SLCO2B1: variants seen among roughly 807,000 people sequenced by gnomAD.
SLCO2B1 encodes the protein OATP-RP2.
SLCO2B1 carries 41 observed loss-of-function variants against 67.3 expected under a neutral mutation model. The observed-to-expected ratio is 0.61, with a 90% CI of 0.47 to 0.79. The LOEUF is 0.79. Ranked by LOEUF, SLCO2B1 falls within the 30% of genes least tolerant of loss-of-function variation. The probability of loss-of-function intolerance (pLI) is 0.00; values close to 1 mark genes in which losing one functional copy is unlikely to be tolerated. For synonymous variants in SLCO2B1, 379 were observed against 381.4 expected (o/e 0.99, Z 0.07); for missense variants, 837 against 920.1 (o/e 0.91, Z 1.17).
chr11:75,195,572 C>A (rs932669730), intron 9 of SLCO2B1, among the ~76,000 whole-genome samples: 2 of 152,066 alleles, frequency 1.3e-5, no homozygotes, highest in African/African-American at 4.8e-5. Flanking sequence ...GTCTCCAGCT[C>A]CTGCTCACCC....
At chr11:75,152,464 G>A (rs1210537772) in intron 1 of SLCO2B1, 1 of 152,494 alleles carries the variant, frequency 6.6e-6, no homozygotes, top group Admixed American at 6.5e-5. Context: ...ACGGCAGGAA[G>A]GGTGGGATGG....
Position 75,203,310 on chromosome 11 carries a change from G to T in SLCO2B1, c.1832G>T (p.Trp611Leu). ...CCCTGAGCACCACCTCCCTCAGCCT[G>T]GATGCCCAGCCCCGTGATCCACGGC... The part of the protein sequence containing the change: ...IQFMFLRILA[W>L]MPSPVIHGSA... The change falls in exon 13 of 14, where the codon TGG becomes TTG. Residue 611 changes from tryptophan to leucine, a missense_variant. Coordinates refer to ENST00000289575, the MANE Select transcript of SLCO2B1 (RefSeq NM_007256.5). 6.2e-7 allele frequency: 1 copy of T among 1,613,492 alleles called. No individual in the cohort carries two copies. The highest frequency in any genetic ancestry group is 8.5e-7 in the Non-Finnish European group (1 of 1,179,962).
At position 75,167,590 on chromosome 11, in the gene SLCO2B1, A is replaced by C. The variant is rs1277355295; in HGVS notation, c.449-1583A>C. 2.0e-5 allele frequency among the ~76,000 whole-genome samples: 3 copies of C among 152,290 alleles called. No homozygotes were observed. In the East Asian group the frequency reaches 5.8e-4, roughly 29 times the overall value. ...TACTGATGAAGTTGTGTTCTGTGCC[A>C]GGCCCTCTGCAGGGCACTGGGGACA... On this transcript the variant is annotated intron_variant, in intron 4 of 13. Transcript: ENST00000289575.
At chr11:75,177,056 C>T (rs1950034593) in intron 7 of SLCO2B1, among the ~76,000 whole-genome samples, 1 of 152,144 alleles carries the variant, frequency 6.6e-6, no homozygotes, top group Non-Finnish European at 1.5e-5. Context: ...GCTTGAGGCC[C>T]TGTTGGGGCA....
At chr11:75,184,785 C>T (rs1296751481) in intron 7 of SLCO2B1, among the ~76,000 whole-genome samples, 1 of 152,156 alleles carries the variant, frequency 6.6e-6, no homozygotes, top group East Asian at 1.9e-4. Context: ...GTCTCTGCCC[C>T]ATCCTCTTTT....
chr11:75,187,298 T>C (rs1475224134), intron 7 of SLCO2B1, among the ~76,000 whole-genome samples: 1 of 152,224 alleles, frequency 6.6e-6, no homozygotes, highest in African/African-American at 2.4e-5. Flanking sequence ...ACACATGATA[T>C]TCTCTTCCCC....
At chr11:75,169,622 G>T (rs760695030) in intron 5 of SLCO2B1, 44 bp from the exon 6 acceptor site, 1 of 1,532,284 alleles carries the variant, frequency 6.5e-7, no homozygotes, top group East Asian at 2.3e-5. Flanking sequence ...GTCTGCAGAG[G>T]GAAGCCAGGG....
chr11:75,199,940 T>G (rs1254931493), intron 10 of SLCO2B1: 3 of 447,462 alleles, frequency 6.7e-6, no homozygotes, highest in Non-Finnish European at 1.2e-5. Flanking sequence ...GGGGGAATGA[T>G]GCTCTCCTGG....
intron 7 of SLCO2B1, among the ~76,000 whole-genome samples, chr11:75,181,721 G>C (rs181523757): frequency 6.6e-6 from 1 of 152,168 alleles, no homozygotes; most frequent in African/African-American, 2.4e-5. Flanking sequence ...CATGGTGTCC[G>C]GCAGGCTTGC....
chr11:75,174,357 A>G (rs980726948), intron 7 of SLCO2B1, among the ~76,000 whole-genome samples: 28 of 130,308 alleles, frequency 2.1e-4, no homozygotes, highest in African/African-American at 8.0e-4. Context: ...AGGTTGATGC[A>G]TTTGAATATG....
chr11:75,162,896 A>G, intron 2 of SLCO2B1, 111 bp downstream of exon 2: 1 of 1,301,178 alleles, frequency 7.7e-7, no homozygotes, highest in Non-Finnish European at 1.1e-6. Flanking sequence ...TTCCTCATCT[A>G]TAGAATGTGT....
At chr11:75,191,079 G>C (rs949454171) in intron 8 of SLCO2B1, among the ~76,000 whole-genome samples, 1 of 152,192 alleles carries the variant, frequency 6.6e-6, no homozygotes, top group African/African-American at 2.4e-5. Flanking sequence ...CAGGAGAATG[G>C]ACTGGAAGCA....
chr11:75,165,392 A>G (rs1216991740), intron 3 of SLCO2B1, among the ~76,000 whole-genome samples: 2 of 150,884 alleles, frequency 1.3e-5, no homozygotes. Context: ...AGATCACACC[A>G]TTGCACTCCA....
At chr11:75,199,866 AG>A in intron 10 of SLCO2B1, 1 of 251,852 alleles carries the variant, frequency 4.0e-6, no homozygotes, top group Non-Finnish European at 7.6e-6. Flanking sequence ...CAAACACTCC[AG>A]GGGGCAAGCC....
chr11:75,199,006 GC>G (rs574260716), intron 10 of SLCO2B1, among the ~76,000 whole-genome samples: 211 of 152,316 alleles, frequency 1.4e-3, no homozygotes, highest in South Asian at 5.4e-3. Context: ...GAAGCCTCCA[GC>G]CTTTGCGTTC....
chr11:75,162,659 A>G lies in SLCO2B1; in HGVS notation c.21A>G (p.Pro7=), dbSNP rs1949835338. ...CCCTGGTTTTCTGTCCCTCAGGGCC[A>G]GCGGGTGAGGTACCCCAGGTACCAG... MGPRIG[P]AGEVPQVPDK... is the part of the protein sequence containing the mutation. The change falls in exon 2 of 14, where the codon CCA becomes CCG. Residue 7 remains proline (P), a synonymous_variant. Transcript: ENST00000289575. 3.7e-6 allele frequency: 6 copies of G among 1,613,246 alleles called. No homozygotes were observed. Among genetic ancestry groups the G allele is most frequent in the African/African-American group, 1.3e-5 (1 of 74,832 alleles).
In SLCO2B1 at chr11:75,193,417, C is replaced by A; in HGVS notation, c.1275C>A (p.Ile425=). The A allele has an allele frequency of 1.2e-6, 2 of 1,614,100 alleles. No individual in the cohort carries two copies. The highest frequency in any genetic ancestry group is 1.7e-6 in the Non-Finnish European group (2 of 1,179,972). The change falls in exon 9 of 14, where the codon ATC becomes ATA. Residue 425 remains isoleucine (I), a synonymous_variant. Coordinates refer to ENST00000289575, the MANE Select transcript of SLCO2B1 (RefSeq NM_007256.5). This position sits in a 1 kb window ranked among gnomAD's most constrained non-coding sequence, Gnocchi z 4.2. ...CLSFPSVIVG[I]VVGGVLVKRL... The stretch of plus-strand genomic sequence containing the variant: ...CCTTCCCTTCGGTCATCGTGGGCAT[C>A]GTGGTGGGTGGCGTCCTGGTCAAGC...
chr11:75,162,635 C>T lies in SLCO2B1; in HGVS notation c.17-20C>T. ...TCGGGGATTCTATCTATTCTCTTTC[C>T]CTGGTTTTCTGTCCCTCAGGGCCAG... On this transcript the variant is annotated intron_variant, in intron 1 of 13. Coordinates refer to ENST00000289575, the MANE Select transcript of SLCO2B1 (RefSeq NM_007256.5). 1.9e-6 allele frequency: 3 copies of T among 1,608,162 alleles called. No homozygotes were observed. Among genetic ancestry groups the T allele is most frequent in the Non-Finnish European group, 2.5e-6 (3 of 1,177,568 alleles).
rs772607197 is a variant in SLCO2B1, at chr11:75,169,454, A to G, written c.682+48A>G. ...GGCCTCTGAGGGTCAGGCCAGGCTC[A>G]ACTAGGAGGAAGAGAGACCCAGGGT... On this transcript the variant is annotated intron_variant, in intron 5 of 13. Coordinates refer to ENST00000289575, the MANE Select transcript of SLCO2B1 (RefSeq NM_007256.5). 9.4e-6 allele frequency: 14 copies of G among 1,493,166 alleles called. No individual in the cohort carries two copies. In the East Asian group the frequency reaches 3.2e-4, roughly 34 times the overall value. 92.5% of individuals were successfully genotyped at this position (1,493,166 alleles called of 1,614,324 possible).
Sources: gnomAD v4.1 joint callset for allele counts (sites outside exome capture counted in the v4.1 genomes callset) on GRCh38, gnomAD v4.1.1 for gene constraint, Gnocchi (gnomAD v3.1) non-coding constraint, MANE v1.5 for transcripts, NCBI Gene and HGNC (gene_info 2026-07-23, HGNC 2026-07-21) for gene names.